SENP1: variants seen among roughly 807,000 people sequenced by gnomAD.
SENP1 encodes the protein sentrin-specific protease 1.
A neutral mutation model predicts 93.0 loss-of-function variants in SENP1; 21 were observed. That is an observed-to-expected ratio of 0.23 (90% CI 0.16 to 0.33). SENP1 has a LOEUF of 0.33. Ranked by LOEUF, SENP1 falls within the 10% of genes least tolerant of loss-of-function variation. The probability of loss-of-function intolerance (pLI) is 1.00; values close to 1 mark genes in which losing one functional copy is unlikely to be tolerated. For synonymous variants in SENP1, 256 were observed against 259.6 expected (o/e 0.99, Z 0.13); for missense variants, 591 against 758.7 (o/e 0.78, Z 2.60).
intron 1 of SENP1, among the ~76,000 whole-genome samples, chr12:48,104,630 C>T (rs10875743): frequency 0.71 from 107,922 of 152,148 alleles, 39,232 homozygotes; most frequent in East Asian, 0.99. Context: ...GCTCACTGTC[C>T]AGTAGGGAAA....
At position 48,074,465 on chromosome 12, in the gene SENP1, G is replaced by A. The variant is rs1191154508; in HGVS notation, c.799C>T (p.His267Tyr). ...SILTNQEQLS[H>Y]SVYSLSSYTP... ...TAAGAAGATAGGGAATATACACTGT[G>A]GGACAGCTGTTCCTGGTTAGTTAAA... The change falls in exon 8 of 18, where the codon CAC becomes TAC. Residue 267 changes from histidine to tyrosine, a missense_variant. By Grantham distance (83) the His-to-Tyr change is moderately conservative. Around this residue, in one of 4 missense-constraint regions of SENP1, gnomAD observed 238 missense variants for 259.1 expected, o/e 0.92. Coordinates refer to ENST00000549518, the MANE Select transcript of SENP1 (RefSeq NM_001267594.2). The A allele has an allele frequency of 6.2e-7, 1 of 1,613,790 alleles. No individual in the cohort carries two copies. Among genetic ancestry groups the A allele is most frequent in the Non-Finnish European group, 8.5e-7 (1 of 1,179,858 alleles).
intron 9 of SENP1, among the ~76,000 whole-genome samples, chr12:48,067,969 T>G (rs1943411673): frequency 6.6e-6 from 1 of 152,192 alleles, no homozygotes; most frequent in Non-Finnish European, 1.5e-5. Flanking sequence ...CAAGAGATTC[T>G]CCTGCCTCAG....
At position 48,105,518 on chromosome 12, in the gene SENP1, G is replaced by GA. The variant is rs1946464020; in HGVS notation, c.-45+509dup. The GA allele has an allele frequency of 7.7e-6, 4 of 519,014 alleles. No individual in the cohort carries two copies. In the East Asian group the frequency reaches 2.2e-4, roughly 28 times the overall value. The allele number at this position is 519,014 out of a possible 1,614,324, so 32.2% of individuals were successfully genotyped here. On this transcript the variant is annotated intron_variant, in intron 1 of 17. Coordinates refer to ENST00000549518, the MANE Select transcript of SENP1 (RefSeq NM_001267594.2). ...GGCACTAGCGATATCACATCTCAGG[G>GA]AGATACCACAGAGTAGGAGAGTTGG...
At chr12:48,099,387 A>G (rs1341659543) in intron 2 of SENP1, among the ~76,000 whole-genome samples, 1 of 152,156 alleles carries the variant, frequency 6.6e-6, no homozygotes, top group Non-Finnish European at 1.5e-5. Flanking sequence ...ATGCTCCCAA[A>G]AGAAACTTTT....
intron 5 of SENP1, among the ~76,000 whole-genome samples, chr12:48,086,077 A>G (rs1226770545): frequency 2.6e-5 from 4 of 152,254 alleles, no homozygotes; most frequent in African/African-American, 9.6e-5. Context: ...GAATGTGAGC[A>G]TTAAAAGTAT....
chr12:48,060,565 T>C (rs1942889943), intron 13 of SENP1, among the ~76,000 whole-genome samples: 1 of 152,226 alleles, frequency 6.6e-6, no homozygotes, highest in African/African-American at 2.4e-5. Flanking sequence ...CAACTAATTT[T>C]TCCTCTCTCC....
chr12:48,050,186 T>C (rs1214633903), intron 13 of SENP1, among the ~76,000 whole-genome samples: 1 of 152,130 alleles, frequency 6.6e-6, no homozygotes, highest in East Asian at 1.9e-4. Context: ...GGCTTGGAAA[T>C]ATGACTAAGA....
intron 13 of SENP1, among the ~76,000 whole-genome samples, chr12:48,053,809 T>C (rs1477955492): frequency 1.3e-5 from 2 of 152,226 alleles, no homozygotes; most frequent in African/African-American, 4.8e-5. Flanking sequence ...ATATTTCCTA[T>C]GAGTTTGTTC....
intron 6 of SENP1, among the ~76,000 whole-genome samples, chr12:48,078,334 T>TATATATATATATATATATATATACACAC: frequency 7.4e-5 from 5 of 67,904 alleles, no homozygotes; most frequent in African/African-American, 2.4e-4. Context: ...TATATATATA[T>TATATATATATATATATATATATACACAC]ACACACACAT....
chr12:48,093,624 T>A (rs1270623390), intron 4 of SENP1, among the ~76,000 whole-genome samples: 1 of 151,442 alleles, frequency 6.6e-6, no homozygotes, highest in Non-Finnish European at 1.5e-5. Flanking sequence ...TGAAAAAAAA[T>A]TTTGGTTTTC....
chr12:48,093,899 T>C (rs1945384331), intron 4 of SENP1, among the ~76,000 whole-genome samples: 2 of 151,976 alleles, frequency 1.3e-5, no homozygotes, highest in African/African-American at 2.4e-5. Flanking sequence ...GAGGTGCAGG[T>C]TGCAGTGAGC....
At chr12:48,054,515 C>A (rs1356826848) in intron 13 of SENP1, among the ~76,000 whole-genome samples, 1 of 152,082 alleles carries the variant, frequency 6.6e-6, no homozygotes, top group African/African-American at 2.4e-5. Context: ...CTTGGCCAGG[C>A]GCAGTGGCTC....
Position 48,096,349 on chromosome 12 carries a change from A to C in SENP1, c.214T>G (p.Tyr72Asp). 2 of 1,586,852 alleles carry C rather than the reference A, an allele frequency of 1.3e-6. No individual in the cohort carries two copies. Among genetic ancestry groups the C allele is most frequent in the South Asian group, 2.2e-5 (2 of 90,014 alleles). Residue 72 changes from tyrosine to aspartate, a missense_variant, in exon 4 of 18, where the codon TAC (tyrosine) becomes GAC (aspartate). Tyr to Asp is a radical substitution (Grantham distance 160). Around this residue, in one of 4 missense-constraint regions of SENP1, gnomAD observed 214 missense variants for 243.4 expected, o/e 0.88. Transcript: ENST00000549518. ...TRSAAYNPSY[Y>D]SDNPSSDSFL... ...TCCAAGTAATGTGTCATACCTGAGT[A>C]ATAGCTTGGATTATAAGCTGCACTT...
chr12:48,074,288 A>C, intron 8 of SENP1, 36 bp downstream of exon 8: 1 of 1,539,444 alleles, frequency 6.5e-7, no homozygotes, highest in Non-Finnish European at 8.9e-7. Flanking sequence ...ATTGGCTATT[A>C]GGACTAAAAA....
chr12:48,072,208 C>T (rs1267004410), intron 8 of SENP1, among the ~76,000 whole-genome samples: 1 of 152,170 alleles, frequency 6.6e-6, no homozygotes, highest in African/African-American at 2.4e-5. Context: ...CTCTATCCAG[C>T]TCTATTTCAG....
At chr12:48,086,868 G>A (rs1329480967) in intron 5 of SENP1, among the ~76,000 whole-genome samples, 2 of 152,040 alleles carry the variant, frequency 1.3e-5, no homozygotes, top group South Asian at 2.1e-4. Context: ...GCGAAATGCC[G>A]TCTCTACTAA....
intron 15 of SENP1, among the ~76,000 whole-genome samples, chr12:48,047,603 T>A (rs1941469018): frequency 6.6e-6 from 1 of 152,186 alleles, no homozygotes; most frequent in Non-Finnish European, 1.5e-5. Context: ...GAGGAATAGG[T>A]ATTTTGGAAA....
chr12:48,086,859 C>T (rs936535432), intron 5 of SENP1, among the ~76,000 whole-genome samples: 3 of 151,914 alleles, frequency 2.0e-5, no homozygotes, highest in East Asian at 1.9e-4. Flanking sequence ...GCTAATATGG[C>T]GAAATGCCGT....
intron 1 of SENP1, 147 bp downstream of exon 1, chr12:48,105,881 G>C: frequency 1.6e-6 from 1 of 612,516 alleles, no homozygotes; most frequent in South Asian, 1.9e-5. Flanking sequence ...TGGTCCCAGG[G>C]GGCGGGGCAG....
Sources: allele counts gnomAD v4.1 joint callset (sites outside exome capture counted in the v4.1 genomes callset), GRCh38; gene constraint gnomAD v4.1.1; regional missense constraint gnomAD v4.1.1; transcripts MANE v1.5; gene names NCBI Gene and HGNC (gene_info 2026-07-23, HGNC 2026-07-21).